The following CAMK2D variants were observed in gnomAD, a reference collection of about 807,000 sequenced individuals.
The protein encoded by CAMK2D is calcium/calmodulin dependent protein kinase II delta.
Under a neutral mutation model 84.0 loss-of-function variants are expected in CAMK2D, and 37 were observed. The ratio of observed to expected loss-of-function variants is 0.44; its 90% CI spans 0.34 to 0.58. The LOEUF is 0.58. CAMK2D is among the 20% of genes least tolerant of loss of function. The pLI is 0.02. For missense variants in CAMK2D, 448 were observed against 652.5 expected, an observed-to-expected ratio of 0.69 and a Z score of 3.41; for synonymous variants, 202 against 212.5, an observed-to-expected ratio of 0.95 and a Z score of 0.43.
intron 8 of CAMK2D, among the ~76,000 whole-genome samples, chr4:113,520,620 T>C (rs2154173114): frequency 6.6e-6 from 1 of 151,590 alleles, no homozygotes; most frequent in South Asian, 2.1e-4. Context: ...AATGAAGAAG[T>C]CTTTTTTTTG....
intron 2 of CAMK2D, among the ~76,000 whole-genome samples, chr4:113,741,526 T>A (rs1029895630): frequency 1.3e-5 from 2 of 152,180 alleles, no homozygotes; most frequent in African/African-American, 4.8e-5. Flanking sequence ...TTGTGCAATC[T>A]GTAGTTTCAG....
At chr4:113,556,325 A>T (rs2098664289) in intron 4 of CAMK2D, among the ~76,000 whole-genome samples, 1 of 152,182 alleles carries the variant, frequency 6.6e-6, no homozygotes, top group African/African-American at 2.4e-5. Flanking sequence ...CCTTGGACAC[A>T]ATTTGGGGAG....
intron 2 of CAMK2D, among the ~76,000 whole-genome samples, chr4:113,738,921 T>G (rs1455465645): frequency 6.6e-6 from 1 of 152,130 alleles, no homozygotes; most frequent in Non-Finnish European, 1.5e-5. Flanking sequence ...TATACAAAAA[T>G]AAATAACACA....
intron 4 of CAMK2D, among the ~76,000 whole-genome samples, chr4:113,605,235 TACTAGTC>T (rs1241476339): frequency 6.6e-6 from 1 of 152,226 alleles, no homozygotes; most frequent in Non-Finnish European, 1.5e-5. Flanking sequence ...TTCATATATT[TACTAGTC>T]ACTTTTCCAT....
At chr4:113,723,225 C>CT (rs869114577) in intron 2 of CAMK2D, among the ~76,000 whole-genome samples, 1,815 of 140,424 alleles carry the variant, frequency 0.013, 9 homozygotes, top group African/African-American at 0.016. Flanking sequence ...CCAAAAATAA[C>CT]TTTTTTTTTT....
intron 2 of CAMK2D, among the ~76,000 whole-genome samples, chr4:113,701,926 C>T (rs2099418852): frequency 6.6e-6 from 1 of 152,226 alleles, no homozygotes. Context: ...GACTGGAACT[C>T]CTGGGTTCAT....
At chr4:113,714,042 C>G (rs748358962) in intron 2 of CAMK2D, among the ~76,000 whole-genome samples, 1 of 151,966 alleles carries the variant, frequency 6.6e-6, no homozygotes, top group Non-Finnish European at 1.5e-5. Flanking sequence ...CTTGTTGTAA[C>G]TTGTTTCTAA....
intron 16 of CAMK2D, among the ~76,000 whole-genome samples, chr4:113,490,700 A>G (rs2097827513): frequency 2.0e-5 from 3 of 150,440 alleles, no homozygotes; most frequent in South Asian, 2.1e-4. Flanking sequence ...TAGCTTCATG[A>G]GGATGGCATT....
intron 4 of CAMK2D, among the ~76,000 whole-genome samples, chr4:113,577,494 G>A (rs1037250084): frequency 6.6e-6 from 1 of 152,076 alleles, no homozygotes; most frequent in Non-Finnish European, 1.5e-5. Flanking sequence ...CTGATCATAA[G>A]TCTTCTCACT....
chr4:113,607,454 G>A (rs2098982763), intron 4 of CAMK2D, among the ~76,000 whole-genome samples: 1 of 152,088 alleles, frequency 6.6e-6, no homozygotes, highest in African/African-American at 2.4e-5. Context: ...AGCAACTGAG[G>A]AACCGCAGGA....
intron 4 of CAMK2D, among the ~76,000 whole-genome samples, chr4:113,599,541 G>T (rs2098942621): frequency 2.0e-5 from 3 of 152,018 alleles, no homozygotes; most frequent in African/African-American, 7.2e-5. Context: ...ATAAATAGAA[G>T]AAATCTAAAT....
chr4:113,462,248 G>C (rs1409033880), intron 17 of CAMK2D, among the ~76,000 whole-genome samples: 2 of 150,464 alleles, frequency 1.3e-5, no homozygotes, highest in Non-Finnish European at 3.0e-5. Context: ...CCATGAAAAA[G>C]AGTCAGTATA....
intron 17 of CAMK2D, among the ~76,000 whole-genome samples, chr4:113,462,266 ATGTGTGTGTGTG>A (rs143654780): frequency 0.024 from 2,593 of 109,740 alleles, 62 homozygotes; most frequent in African/African-American, 0.052. Flanking sequence ...ATATTTGGAA[ATGTGTGTGTGTG>A]TGTGTGTGTG....
At chr4:113,483,654 C>G (rs551305583) in intron 16 of CAMK2D, among the ~76,000 whole-genome samples, 1 of 152,266 alleles carries the variant, frequency 6.6e-6, no homozygotes, top group African/African-American at 2.4e-5. Flanking sequence ...GATCCACCCG[C>G]CTCAGCCTCC....
intron 17 of CAMK2D, among the ~76,000 whole-genome samples, chr4:113,462,183 A>C (rs2097384829): frequency 1.3e-5 from 2 of 152,172 alleles, no homozygotes; most frequent in South Asian, 4.1e-4. Flanking sequence ...ACTGCCTTAC[A>C]TCAGTACTAA....
intron 2 of CAMK2D, among the ~76,000 whole-genome samples, chr4:113,756,453 G>A (rs777046496): frequency 6.6e-6 from 1 of 151,902 alleles, no homozygotes. Flanking sequence ...CTCCACAAAA[G>A]CTTCCATATG....
chr4:113,735,435 G>A (rs928313763), intron 2 of CAMK2D, among the ~76,000 whole-genome samples: 7 of 151,134 alleles, frequency 4.6e-5, no homozygotes, highest in East Asian at 1.9e-4. Context: ...AGATTGCACC[G>A]CTGTACTACA....
chr4:113,547,719 G>A lies in CAMK2D; in HGVS notation c.342-3C>T, dbSNP rs1237593580. 3.2e-6 allele frequency: 5 copies of A among 1,543,970 alleles called. No individual in the cohort carries two copies. Among genetic ancestry groups the A allele is most frequent in the Non-Finnish European group, 4.4e-6 (5 of 1,148,748 alleles). On this transcript the variant is annotated splice_region_variant and splice_polypyrimidine_tract_variant and intron_variant, in intron 5 of 20. Transcript: ENST00000511664. The stretch of plus-strand genomic sequence containing the variant: ...CCAGGATCTGCTGAATGCAATGACT[G>A]CATGCAAACACCAGGGGGCGTGTGT...
intron 2 of CAMK2D, among the ~76,000 whole-genome samples, chr4:113,671,148 T>A (rs1239705574): frequency 6.6e-6 from 1 of 152,244 alleles, no homozygotes; most frequent in African/African-American, 2.4e-5. Flanking sequence ...GTGAAAAGTA[T>A]AAAATATTTA....
Sources: gnomAD v4.1 joint callset for allele counts (sites outside exome capture counted in the v4.1 genomes callset) on GRCh38, gnomAD v4.1.1 for gene constraint, MANE v1.5 for transcripts, NCBI Gene and HGNC (gene_info 2026-07-23, HGNC 2026-07-21) for gene names.